HS3ST5: variants seen among roughly 807,000 people sequenced by gnomAD.
HS3ST5 encodes heparan sulfate glucosamine 3-O-sulfotransferase 5.
In HS3ST5, 10 loss-of-function variants were observed where a neutral mutation model predicts 25.4. That is an observed-to-expected ratio of 0.39 (90% CI 0.24 to 0.67). The LOEUF is 0.67. Among genes scored for constraint, HS3ST5 ranks in the 30% least tolerant of loss-of-function variants. The probability of loss-of-function intolerance (pLI) is 0.44; values close to 1 mark genes in which losing one functional copy is unlikely to be tolerated. For synonymous variants in HS3ST5, 170 were observed against 162.4 expected (o/e 1.05, Z -0.36); for missense variants, 324 against 420.7 (o/e 0.77, Z 2.01).
intron 1 of HS3ST5, among the ~76,000 whole-genome samples, chr6:114,337,634 G>T (rs1305431504): frequency 6.6e-6 from 1 of 152,146 alleles, no homozygotes; most frequent in African/African-American, 2.4e-5. Flanking sequence ...TGTGGTTCAG[G>T]TTATGTCACG....
At chr6:114,081,285 G>T (rs777851399) in intron 3 of HS3ST5, among the ~76,000 whole-genome samples, 2 of 151,996 alleles carry the variant, frequency 1.3e-5, no homozygotes, top group Non-Finnish European at 2.9e-5. Flanking sequence ...ACAGAGACAC[G>T]AAATGAGCAC....
chr6:114,187,988 A>C (rs922063572), intron 2 of HS3ST5, among the ~76,000 whole-genome samples: 1 of 152,202 alleles, frequency 6.6e-6, no homozygotes, highest in Admixed American at 6.5e-5. Context: ...TACATTTTTT[A>C]GACATACTGC....
intron 3 of HS3ST5, among the ~76,000 whole-genome samples, chr6:114,166,566 A>T (rs1562222856): frequency 1.3e-5 from 2 of 152,154 alleles, no homozygotes; most frequent in African/African-American, 4.8e-5. Context: ...CTAAAATGTT[A>T]TTTTTTTATA....
rs191569504 is a variant in HS3ST5 at position 114,324,690 on chromosome 6, C to T, written c.-339+17505G>A. ...TATTTCAATTTATAAGACAACTGGTCTAGATGCACAAAGTCTATCGGTACC... is the reference window on the plus strand; with the variant it reads ...TATTTCAATTTATAAGACAACTGGTTTAGATGCACAAAGTCTATCGGTACC... On this transcript the variant is annotated intron_variant, in intron 1 of 4. Transcript: ENST00000312719. Among the ~76,000 whole-genome samples, 348 of 152,274 alleles carry T rather than the reference C, an allele frequency of 2.3e-3. 1 individual carries two copies. Among genetic ancestry groups the T allele is most frequent in the Admixed American group, 6.1e-3 (94 of 15,286 alleles).
rs150762350 is a variant in HS3ST5 at position 114,195,731 on chromosome 6, A to C, written c.-144-27269T>G. ...CTCAGGAAGGATAAGAGTGAACTTC[A>C]GTTGGAGAGAGGAGAAAGAGGGAAA... On this transcript the variant is annotated intron_variant, in intron 2 of 4. Transcript: ENST00000312719. Among the ~76,000 whole-genome samples the C allele has an allele frequency of 4.9e-4, 75 of 152,272 alleles. 1 individual carries two copies. The East Asian group carries it at 0.014, about 29-fold the overall frequency.
chr6:114,092,531 G>T (rs1365799376), intron 3 of HS3ST5, among the ~76,000 whole-genome samples: 2 of 152,098 alleles, frequency 1.3e-5, no homozygotes, highest in African/African-American at 4.8e-5. Context: ...AAGTCATGCA[G>T]ACCTTATAAA....
chr6:114,084,838 T>C (rs1181572646), intron 3 of HS3ST5: 79 of 619,022 alleles, frequency 1.3e-4, no homozygotes, highest in Middle Eastern at 4.3e-4. Context: ...CTTTTCTTTT[T>C]TTTTTTTTTT....
At position 114,342,997 on chromosome 6, in the gene HS3ST5, C is replaced by G. The variant is rs1231387643; in HGVS notation, c.-1141G>C. 2 of 152,338 alleles carry G rather than the reference C, an allele frequency of 1.3e-5. No homozygotes were observed. Among genetic ancestry groups the G allele is most frequent in the Non-Finnish European group, 2.9e-5 (2 of 68,324 alleles). 9.4% of individuals were successfully genotyped at this position (152,338 alleles called of 1,614,324 possible). A position where few individuals can be genotyped will look rare whatever the true frequency, so the allele number is the denominator to read the frequency against. The stretch of plus-strand genomic sequence containing the variant: ...CATCACTTGGGCGCGCAGGAGGGAC[C>G]GGGTCCCTGGCGACCAGCTGCAGAG... On this transcript the variant is annotated 5_prime_UTR_variant, in exon 1 of 5. Coordinates refer to ENST00000312719, the MANE Select transcript of HS3ST5 (RefSeq NM_153612.4).
At chr6:114,065,366 G>T (rs532475788) in intron 3 of HS3ST5, among the ~76,000 whole-genome samples, 1 of 152,300 alleles carries the variant, frequency 6.6e-6, no homozygotes, top group South Asian at 2.1e-4. Flanking sequence ...AGTTAGACCT[G>T]CGTGCTTTGG....
intron 1 of HS3ST5, among the ~76,000 whole-genome samples, chr6:114,333,930 A>G (rs1582823369): frequency 6.6e-6 from 1 of 152,156 alleles, no homozygotes; most frequent in East Asian, 1.9e-4. Context: ...GGAAAGAAGT[A>G]TCTCCCAGCT....
rs1285095140 is a variant in HS3ST5 at position 114,057,244 on chromosome 6, A to G, written c.*13T>C. 1.3e-6 allele frequency: 2 copies of G among 1,570,536 alleles called. No homozygotes were observed. Among genetic ancestry groups the G allele is most frequent in the South Asian group, 1.1e-5 (1 of 89,580 alleles). On this transcript the variant is annotated 3_prime_UTR_variant, in exon 5 of 5. Transcript: ENST00000312719. ...CTCCAGGCACAACACATAGTGTTGT[A>G]TGACATATTATTTTAGGGCCAGTTC...
chr6:114,193,658 A>C (rs1317219343), intron 2 of HS3ST5, among the ~76,000 whole-genome samples: 1 of 152,232 alleles, frequency 6.6e-6, no homozygotes, highest in Non-Finnish European at 1.5e-5. Context: ...GGGTTAAATG[A>C]AATAGTACTG....
At chr6:114,060,990 T>A (rs1773085189) in intron 4 of HS3ST5, among the ~76,000 whole-genome samples, 1 of 152,136 alleles carries the variant, frequency 6.6e-6, no homozygotes, top group Admixed American at 6.5e-5. Flanking sequence ...AGCAGGGTCT[T>A]CAGTTACTGG....
intron 1 of HS3ST5, among the ~76,000 whole-genome samples, chr6:114,322,778 G>C (rs756237041): frequency 6.6e-5 from 10 of 152,124 alleles, no homozygotes; most frequent in Non-Finnish European, 1.2e-4. Context: ...ATATTACTGC[G>C]ATATGGCAAT....
chr6:114,250,157 C>A (rs570191121), intron 1 of HS3ST5, among the ~76,000 whole-genome samples: 1 of 152,050 alleles, frequency 6.6e-6, no homozygotes, highest in East Asian at 1.9e-4. Context: ...ACCAATTATC[C>A]CATGATGGTG....
At chr6:114,284,969 AGG>A (rs1378082431) in intron 1 of HS3ST5, among the ~76,000 whole-genome samples, 2 of 152,084 alleles carry the variant, frequency 1.3e-5, no homozygotes, top group African/African-American at 2.4e-5. Flanking sequence ...CTAAGGGGCT[AGG>A]ATATTCTATT....
chr6:114,207,511 C>T (rs1781322222), intron 2 of HS3ST5, among the ~76,000 whole-genome samples: 1 of 152,070 alleles, frequency 6.6e-6, no homozygotes, highest in East Asian at 1.9e-4. Context: ...AGTGGATTCC[C>T]CTAAAGACAG....
At position 114,330,532 on chromosome 6, in the gene HS3ST5, G is replaced by A. The variant is rs117911683; in HGVS notation, c.-339+11663C>T. Among the ~76,000 whole-genome samples the A allele has an allele frequency of 7.6e-3, 1,152 of 152,282 alleles. 11 individuals are homozygous for A. Among genetic ancestry groups the A allele is most frequent in the Non-Finnish European group, 0.011 (747 of 68,032 alleles). On this transcript the variant is annotated intron_variant, in intron 1 of 4. Coordinates refer to ENST00000312719, the MANE Select transcript of HS3ST5 (RefSeq NM_153612.4). ...TTAGGCAGCAGGGCCAAAGGTATGC[G>A]TCCAACCTTCTGGTTTAGTGATGGT...
intron 2 of HS3ST5, among the ~76,000 whole-genome samples, chr6:114,197,357 A>G (rs1236766988): frequency 6.6e-6 from 1 of 152,114 alleles, no homozygotes; most frequent in Non-Finnish European, 1.5e-5. Context: ...GACTTCCCAT[A>G]TACTCTACAA....
Sources: allele counts gnomAD v4.1 joint callset (sites outside exome capture counted in the v4.1 genomes callset), GRCh38; gene constraint gnomAD v4.1.1; transcripts MANE v1.5; gene names NCBI Gene and HGNC (gene_info 2026-07-23, HGNC 2026-07-21).